The following IPO5 variants were observed in gnomAD, a reference collection of about 807,000 sequenced individuals.
The protein encoded by IPO5 is importin 5, also known as importin-5.
IPO5 carries 18 observed loss-of-function variants against 143.3 expected under a neutral mutation model. The observed-to-expected ratio is 0.13, with a 90% confidence interval of 0.09 to 0.19. The LOEUF (loss-of-function observed/expected upper bound fraction) is 0.19, where lower values mean the gene tolerates loss of function less well. Ranked by LOEUF, IPO5 falls within the 10% of genes least tolerant of loss-of-function variation. The pLI, the probability that IPO5 is intolerant of heterozygous loss-of-function variation, is 1.00. For synonymous variants in IPO5, 477 were observed against 465.7 expected (o/e 1.02, Z -0.31); for missense variants, 1,013 against 1,336.9 (o/e 0.76, Z 3.78).
chr13:97,979,665 A>C lies in IPO5; in HGVS notation c.91-2838A>C, dbSNP rs1051730803. On this transcript the variant is annotated intron_variant, in intron 4 of 28. Transcript: ENST00000651721. ...TTTCTTACTAAGGTTCTCCATACAGAATTTGTTCCTCATTGACTCTAATAG... is the reference window on the plus strand; with the variant it reads ...TTTCTTACTAAGGTTCTCCATACAGCATTTGTTCCTCATTGACTCTAATAG... 2.0e-5 allele frequency among the ~76,000 whole-genome samples: 3 copies of C among 152,158 alleles called. No individual in the cohort carries two copies. In the East Asian group the frequency reaches 5.8e-4, roughly 29 times the overall value.
At chr13:97,964,529 G>A (rs536890029) in intron 2 of IPO5, among the ~76,000 whole-genome samples, 127 of 145,202 alleles carry the variant, frequency 8.7e-4, no homozygotes, top group Middle Eastern at 4.0e-3. Flanking sequence ...CTCACTGCAA[G>A]CTCCGCCTCC....
chr13:98,016,778 C>A lies in IPO5; in HGVS notation c.2543C>A (p.Ser848Ter). The A allele has an allele frequency of 6.4e-7, 1 of 1,550,894 alleles. No homozygotes were observed. The highest frequency in any genetic ancestry group is 8.8e-7 in the Non-Finnish European group (1 of 1,141,836). ...ILTKVSDILH[S>*]IFSSYKEKVL... Reference sequence around the variant, plus strand: ...ACCAAAGTGTCAGATATTTTACACTCAATATTCAGTAGCTACAAAGAAAAG... The same window carrying A: ...ACCAAAGTGTCAGATATTTTACACTAAATATTCAGTAGCTACAAAGAAAAG... The change falls in exon 25 of 29, where the codon TCA (serine) becomes TAA (stop). Residue 848 changes from serine to a stop codon, truncating the protein, a stop_gained. Transcript: ENST00000651721. LOFTEE classifies it high-confidence loss of function.
At chr13:97,954,387 T>C (rs1884318621) in intron 2 of IPO5, among the ~76,000 whole-genome samples, 189 bp downstream of exon 2, 1 of 152,230 alleles carries the variant, frequency 6.6e-6, no homozygotes, top group Non-Finnish European at 1.5e-5. Flanking sequence ...TGCTTTCCTA[T>C]AGGGAGAATA....
At chr13:97,991,748 C>T (rs1887822561) in intron 9 of IPO5, among the ~76,000 whole-genome samples, 1 of 152,120 alleles carries the variant, frequency 6.6e-6, no homozygotes, top group Non-Finnish European at 1.5e-5. Flanking sequence ...GGGGGGATAA[C>T]AGTTGTTAAA....
chr13:97,990,327 AACAC>A, intron 8 of IPO5, 102 bp from the exon 9 acceptor site: 1 of 1,149,330 alleles, frequency 8.7e-7, no homozygotes, highest in South Asian at 1.3e-5. Flanking sequence ...TTAAAATACA[AACAC>A]CAGTTTTACT....
intron 24 of IPO5, 145 bp downstream of exon 24, chr13:98,015,926 A>G: frequency 1.7e-6 from 1 of 585,320 alleles, no homozygotes; most frequent in East Asian, 2.8e-5. Context: ...TCCTCTCTTA[A>G]TTTATGAATA....
rs1890349653 is a variant in IPO5, at chr13:98,019,661, A to G, written c.2917A>G (p.Ile973Val). The part of the protein sequence containing the change: ...KENVNATENC[I>V]SAVGKIMKFK... ...AAATGTCAATGCTACAGAGAACTGC[A>G]TCTCAGCAGTAGGGAAAATCATGAA... is the stretch of plus-strand genomic sequence containing the variant. The change falls in exon 27 of 29, where the codon ATC (isoleucine) becomes GTC (valine). Residue 973 changes from isoleucine (I) to valine (V), a missense_variant. By Grantham distance (29) the Ile-to-Val change is conservative (BLOSUM62 3). This residue lies in a region of IPO5 where 685 missense variants were observed against 994.9 expected (regional missense o/e 0.69). Transcript: ENST00000651721. The G allele has an allele frequency of 6.2e-6, 10 of 1,613,880 alleles. No homozygotes were observed. Among genetic ancestry groups the G allele is most frequent in the Non-Finnish European group, 8.5e-6 (10 of 1,179,722 alleles).
At chr13:98,016,994 C>A in intron 25 of IPO5, 143 bp downstream of exon 25, 1 of 635,256 alleles carries the variant, frequency 1.6e-6, no homozygotes, top group Non-Finnish European at 2.5e-6. Flanking sequence ...ATCAAGTTGA[C>A]TGCATTACCC....
At chr13:97,997,006 A>G (rs1335018894) in intron 11 of IPO5, among the ~76,000 whole-genome samples, 5 of 152,200 alleles carry the variant, frequency 3.3e-5, no homozygotes, top group Non-Finnish European at 7.3e-5. Context: ...TTATAGGAGG[A>G]AAAAATTGGA....
chr13:97,999,372 G>A (rs1228516146), intron 12 of IPO5, among the ~76,000 whole-genome samples: 1 of 152,104 alleles, frequency 6.6e-6, no homozygotes, highest in African/African-American at 2.4e-5. Flanking sequence ...AGAAGACCAG[G>A]GCTAGGTCGA....
At chr13:97,974,318 T>C (rs967643220) in intron 3 of IPO5, among the ~76,000 whole-genome samples, 2 of 151,538 alleles carry the variant, frequency 1.3e-5, no homozygotes, top group South Asian at 4.2e-4. Flanking sequence ...TCTTTTTTTT[T>C]TTTTTTGAGA....
chr13:97,987,872 G>A (rs1291720014), intron 6 of IPO5: 1 of 186,182 alleles, frequency 5.4e-6, no homozygotes, highest in South Asian at 7.7e-5. Flanking sequence ...GATAGGAATT[G>A]TTATAGGTGA....
intron 11 of IPO5, among the ~76,000 whole-genome samples, chr13:97,995,965 C>A (rs1378030776): frequency 2.0e-5 from 3 of 151,976 alleles, no homozygotes; most frequent in African/African-American, 7.3e-5. Context: ...ATTTTTTGAC[C>A]AATCAGATAC....
At chr13:97,982,727 C>G in intron 5 of IPO5, 144 bp downstream of exon 5, 3 of 626,576 alleles carry the variant, frequency 4.8e-6, no homozygotes, top group Non-Finnish European at 8.2e-6. Context: ...CTAAAAGCTA[C>G]TTAGGAGTTA....
intron 16 of IPO5, among the ~76,000 whole-genome samples, 174 bp downstream of exon 16, chr13:98,003,211 C>T (rs1888946760): frequency 6.6e-6 from 1 of 152,036 alleles, no homozygotes; most frequent in Admixed American, 6.6e-5. Flanking sequence ...TCAGATTGAC[C>T]AAAATGTGGG....
chr13:97,990,397 T>C, intron 8 of IPO5, 36 bp from the exon 9 acceptor site: 1 of 1,473,812 alleles, frequency 6.8e-7, no homozygotes, highest in Non-Finnish European at 9.4e-7. Flanking sequence ...TTATCAAAAA[T>C]TTCTCATGTT....
At chr13:97,959,388 C>A (rs1566434526) in intron 2 of IPO5, among the ~76,000 whole-genome samples, 1 of 151,798 alleles carries the variant, frequency 6.6e-6, no homozygotes, top group African/African-American at 2.4e-5. Context: ...TTGAGAGAGC[C>A]TCCTCCATTT....
At chr13:97,990,589 A>T (rs1887725648) in intron 9 of IPO5, 52 bp downstream of exon 9, 3 of 987,174 alleles carry the variant, frequency 3.0e-6, no homozygotes, top group Non-Finnish European at 4.6e-6. Flanking sequence ...TGGTTCTTTA[A>T]TGCATTCAAT....
intron 11 of IPO5, among the ~76,000 whole-genome samples, chr13:97,994,144 T>C (rs938491692): frequency 6.6e-6 from 1 of 152,194 alleles, no homozygotes; most frequent in African/African-American, 2.4e-5. Flanking sequence ...CCGTTTCTAC[T>C]AAAAATACAA....
Sources: allele counts gnomAD v4.1 joint callset (sites outside exome capture counted in the v4.1 genomes callset), GRCh38; gene constraint gnomAD v4.1.1; regional missense constraint gnomAD v4.1.1; transcripts MANE v1.5; gene names NCBI Gene and HGNC (gene_info 2026-07-23, HGNC 2026-07-21).